MECR: variants seen among roughly 807,000 people sequenced by gnomAD.
MECR encodes the protein enoyl-[acyl-carrier-protein] reductase, mitochondrial.
A neutral mutation model predicts 49.1 loss-of-function variants in MECR; 37 were observed. The ratio of observed to expected loss-of-function variants is 0.75; its 90% CI spans 0.58 to 0.99. MECR has a LOEUF of 0.99. Among genes scored for constraint, MECR ranks in the 50% least tolerant of loss-of-function variants. The probability of loss-of-function intolerance (pLI) is 0.00; values close to 1 mark genes in which losing one functional copy is unlikely to be tolerated. For synonymous variants in MECR, 198 were observed against 191.1 expected (o/e 1.04, Z -0.30); for missense variants, 470 against 479.6 (o/e 0.98, Z 0.19).
intron 1 of MECR, among the ~76,000 whole-genome samples, chr1:29,226,051 C>T (rs1218440822): frequency 6.6e-6 from 1 of 151,624 alleles, no homozygotes; most frequent in Non-Finnish European, 1.5e-5. Context: ...CGCCTGTAAT[C>T]CCAGCTACTC....
chr1:29,211,066 C>T (rs1322574920), intron 3 of MECR, among the ~76,000 whole-genome samples: 2 of 149,980 alleles, frequency 1.3e-5, no homozygotes, highest in East Asian at 3.9e-4. Context: ...TCTGCCTCAC[C>T]ACTTGTTTTT....
chr1:29,181,100 G>A, the MECR span, among the ~76,000 whole-genome samples: 1 of 152,342 alleles, frequency 6.6e-6, no homozygotes, highest in East Asian at 1.9e-4. Context: ...ACTGTCACTA[G>A]ACTACTCAAA....
rs775138512 is a variant in MECR, at chr1:29,201,327, T to A, written c.756+616A>T. Reference sequence around the variant, plus strand: ...ATGCTCTTGAGTGTGTGTCTTTGGTTCCTCCAGATGGTTCAGTGAAAAGGG... The same window carrying A: ...ATGCTCTTGAGTGTGTGTCTTTGGTACCTCCAGATGGTTCAGTGAAAAGGG... On this transcript the variant is annotated intron_variant, in intron 6 of 9. Coordinates refer to ENST00000263702, the MANE Select transcript of MECR (RefSeq NM_016011.5). This position sits in a 1 kb window ranked among gnomAD's most constrained non-coding sequence, Gnocchi z 4.3. 1 of 514,906 alleles carries A rather than the reference T, an allele frequency of 1.9e-6. No individual in the cohort carries two copies. Among genetic ancestry groups the A allele is most frequent in the Admixed American group, 2.2e-5 (1 of 45,764 alleles). The allele number at this position is 514,906 out of a possible 1,614,324, so 31.9% of individuals were successfully genotyped here.
In MECR at chr1:29,201,470, T is replaced by C. The variant is rs768901865; in HGVS notation, c.756+473A>G. 1.2e-5 allele frequency: 6 copies of C among 504,168 alleles called. No homozygotes were observed. The highest frequency in any genetic ancestry group is 8.2e-6 in the Non-Finnish European group (2 of 245,092). The allele number at this position is 504,168 out of a possible 1,614,324, so 31.2% of individuals were successfully genotyped here. On this transcript the variant is annotated intron_variant, in intron 6 of 9. Coordinates refer to ENST00000263702, the MANE Select transcript of MECR (RefSeq NM_016011.5). The surrounding 1 kb of genome is among the most constrained non-coding windows in gnomAD (Gnocchi z 4.3). ...GACTCTCTGGAGCCCTTATAAACTA[T>C]ATGATTTTGGTTAAGCATTTCCTCT...
downstream of MECR, among the ~76,000 whole-genome samples, chr1:29,190,201 T>C (rs1673092916): frequency 6.6e-6 from 1 of 151,546 alleles, no homozygotes; most frequent in Non-Finnish European, 1.5e-5. Context: ...AGTGAAACCC[T>C]GTCTCTACTA....
At chr1:29,168,427 A>T in the MECR span, 1 of 152,086 alleles carries the variant, frequency 6.6e-6, no homozygotes, top group Non-Finnish European at 1.5e-5. Flanking sequence ...TGATACTCTA[A>T]CATCAGATAA....
chr1:29,196,025 G>C lies in MECR; in HGVS notation c.892-12C>G. ...AAAATGAGCAGGCTCTGCAGACACA[G>C]GAAGGACATGCTGGGCTCTGAGGGC... is the stretch of plus-strand genomic sequence containing the variant. On this transcript the variant is annotated splice_polypyrimidine_tract_variant and intron_variant, in intron 8 of 9. Coordinates refer to ENST00000263702, the MANE Select transcript of MECR (RefSeq NM_016011.5). 2.5e-6 allele frequency: 4 copies of C among 1,614,140 alleles called. No homozygotes were observed. The highest frequency in any genetic ancestry group is 3.4e-6 in the Non-Finnish European group (4 of 1,179,964).
intron 1 of MECR, among the ~76,000 whole-genome samples, chr1:29,219,817 C>T (rs76285895): frequency 0.012 from 1,757 of 152,298 alleles, 31 homozygotes; most frequent in African/African-American, 0.04. Context: ...CTCGTTAGAT[C>T]GTTTCCTTCA....
chr1:29,220,754 C>T (rs41266209), intron 1 of MECR: 6,171 of 299,888 alleles, frequency 0.021, 87 homozygotes, highest in Middle Eastern at 0.064. Context: ...TCAGAATATT[C>T]CTCCGTAAAA....
the MECR span, chr1:29,172,187 A>G: frequency 1.3e-5 from 2 of 152,254 alleles, no homozygotes; most frequent in Non-Finnish European, 2.9e-5. Flanking sequence ...TTATATTACT[A>G]ATAAAACAAT....
At chr1:29,219,184 A>T (rs1205518920) in intron 1 of MECR, among the ~76,000 whole-genome samples, 1 of 152,214 alleles carries the variant, frequency 6.6e-6, no homozygotes. Context: ...TTTCACTCTC[A>T]ATGTGTGTAT....
intron 7 of MECR, among the ~76,000 whole-genome samples, chr1:29,196,897 C>G (rs1471978631): frequency 2.0e-5 from 3 of 152,044 alleles, no homozygotes; most frequent in Admixed American, 2.0e-4. Flanking sequence ...TGGCCCCACT[C>G]AGGAGGCTGA....
chr1:29,190,218 CAAAAAAAT>C (rs1673093140), downstream of MECR, among the ~76,000 whole-genome samples: 1 of 150,620 alleles, frequency 6.6e-6, no homozygotes, highest in South Asian at 2.1e-4. Flanking sequence ...ACTAAAAATA[CAAAAAAAT>C]TAGCCAGGCG....
At position 29,213,856 on chromosome 1, in the gene MECR, G is replaced by T. The variant is rs535890376; in HGVS notation, c.406+2149C>A. Among the ~76,000 whole-genome samples the T allele has an allele frequency of 2.8e-3, 434 of 152,346 alleles. 3 individuals are homozygous for T. The highest frequency in any genetic ancestry group is 0.01 in the African/African-American group (416 of 41,586). On this transcript the variant is annotated intron_variant, in intron 3 of 9. Transcript: ENST00000263702. ...CATCTCATGTTGTGGGAACAATTGA[G>T]TTAATATACATGAAGTGCTTAGAGC...
the MECR span, among the ~76,000 whole-genome samples, chr1:29,175,787 TAAAG>T: frequency 2.7e-5 from 4 of 147,304 alleles, no homozygotes; most frequent in East Asian, 2.0e-4. Flanking sequence ...TAACTATACA[TAAAG>T]AGAGTTATTC....
intron 4 of MECR, among the ~76,000 whole-genome samples, chr1:29,204,814 A>C (rs561869392): frequency 4.4e-4 from 67 of 152,356 alleles, no homozygotes; most frequent in African/African-American, 1.6e-3. Flanking sequence ...GGACTCCAGC[A>C]AAGGTCCCTG....
chr1:29,199,949 T>TG (rs771756012), intron 7 of MECR, among the ~76,000 whole-genome samples: 1 of 151,960 alleles, frequency 6.6e-6, no homozygotes, highest in Non-Finnish European at 1.5e-5. Flanking sequence ...TTTGTAGTGA[T>TG]GGGGTCTCAC....
chr1:29,170,475 T>C, the MECR span: 1 of 152,192 alleles, frequency 6.6e-6, no homozygotes, highest in Non-Finnish European at 1.5e-5. Flanking sequence ...TCATTAAAGA[T>C]GATGCCTCTT....
downstream of MECR, among the ~76,000 whole-genome samples, chr1:29,192,090 C>CA (rs907597622): frequency 7.6e-3 from 1,076 of 142,038 alleles, 38 homozygotes; most frequent in Admixed American, 0.06. Context: ...GACTTCGTCT[C>CA]AAAAAAAAAA....
Sources: allele counts gnomAD v4.1 joint callset (sites outside exome capture counted in the v4.1 genomes callset), GRCh38; gene constraint gnomAD v4.1.1; non-coding constraint Gnocchi (gnomAD v3.1); transcripts MANE v1.5; gene names NCBI Gene and HGNC (gene_info 2026-07-23, HGNC 2026-07-21).